The following RSBN1 variants were observed in gnomAD, a reference collection of about 807,000 sequenced individuals.
RSBN1 encodes round spermatid basic protein 1, also known as lysine-specific demethylase 9.
In RSBN1, 23 loss-of-function variants were observed where a neutral mutation model predicts 74.8. That is an observed-to-expected ratio of 0.31 (90% CI 0.22 to 0.44). RSBN1 has a LOEUF of 0.44. Ranked by LOEUF, RSBN1 falls within the 20% of genes least tolerant of loss-of-function variation. RSBN1 has a pLI of 1.00. For missense variants in RSBN1, 808 were observed against 1,020.9 expected, an observed-to-expected ratio of 0.79 and a Z score of 2.84; for synonymous variants, 407 against 379.6, an observed-to-expected ratio of 1.07 and a Z score of -0.84.
In RSBN1 at chr1:113,800,227, G is replaced by T. The variant is rs538926470; in HGVS notation, c.704-2191C>A. On this transcript the variant is annotated intron_variant, in intron 1 of 6. Transcript: ENST00000261441. ...ACAATAAAATGAAAACCGTTTATTT[G>T]CAAATATCACTTGTAATTAAACTGT... Among the ~76,000 whole-genome samples the T allele has an allele frequency of 1.3e-4, 20 of 152,200 alleles. 1 individual carries two copies. The South Asian group carries it at 4.1e-3, about 32-fold the overall frequency.
At chr1:113,767,494 C>A (rs762930842) in intron 5 of RSBN1, among the ~76,000 whole-genome samples, 2 of 152,136 alleles carry the variant, frequency 1.3e-5, no homozygotes, top group Admixed American at 6.5e-5. Flanking sequence ...ATCTCCATGT[C>A]CTGAGCTTTG....
chr1:113,784,559 G>C (rs1660199925), intron 2 of RSBN1, among the ~76,000 whole-genome samples: 1 of 152,162 alleles, frequency 6.6e-6, no homozygotes, highest in Non-Finnish European at 1.5e-5. Flanking sequence ...TCAGGCATTA[G>C]TCATATTCTC....
intron 2 of RSBN1, among the ~76,000 whole-genome samples, chr1:113,783,485 TAAAAC>T (rs1356123652): frequency 2.0e-5 from 3 of 150,770 alleles, no homozygotes; most frequent in African/African-American, 7.3e-5. Context: ...AAAAAATAGA[TAAAAC>T]AAAAAAACAT....
intron 1 of RSBN1, among the ~76,000 whole-genome samples, chr1:113,804,325 T>A (rs1165973350): frequency 6.6e-6 from 1 of 152,126 alleles, no homozygotes; most frequent in Admixed American, 6.5e-5. Context: ...GGACCATATA[T>A]GTTATTTTAT....
At chr1:113,780,011 C>T (rs1320781089) in intron 2 of RSBN1, among the ~76,000 whole-genome samples, 1 of 151,620 alleles carries the variant, frequency 6.6e-6, no homozygotes, top group South Asian at 2.1e-4. Flanking sequence ...CAGGGCAAGA[C>T]TCCGTCTCAA....
intron 2 of RSBN1, among the ~76,000 whole-genome samples, chr1:113,794,902 C>A (rs566162842): frequency 6.6e-6 from 1 of 152,104 alleles, no homozygotes; most frequent in African/African-American, 2.4e-5. Flanking sequence ...AATATAGTCA[C>A]GAATAATTAT....
chr1:113,807,773 TTA>T (rs550872269), intron 1 of RSBN1, among the ~76,000 whole-genome samples: 49 of 133,848 alleles, frequency 3.7e-4, no homozygotes, highest in East Asian at 6.3e-4. Flanking sequence ...AAAAAAAAAA[TTA>T]TATATATATA....
intron 6 of RSBN1, 47 bp downstream of exon 6, chr1:113,767,052 A>C: frequency 1.9e-6 from 2 of 1,069,180 alleles, no homozygotes; most frequent in Non-Finnish European, 2.8e-6. Flanking sequence ...ATGGGTATAG[A>C]TATTTACTTC....
rs1476393408 is a variant in RSBN1, at chr1:113,777,058, T to C, written c.1658+152A>G. 6 of 630,504 alleles carry C rather than the reference T, an allele frequency of 9.5e-6. No homozygotes were observed. In the African/African-American group the frequency reaches 1.1e-4, roughly 12 times the overall value. 39.1% of individuals were successfully genotyped at this position (630,504 alleles called of 1,614,324 possible). Reference sequence around the variant, plus strand: ...GTTTTAGAAAAATGCCTCACTGTGATAACTGTGATGATTGGACTGAAAAGA... The same window carrying C: ...GTTTTAGAAAAATGCCTCACTGTGACAACTGTGATGATTGGACTGAAAAGA... On this transcript the variant is annotated intron_variant, in intron 4 of 6. Transcript: ENST00000261441.
At chr1:113,799,450 A>C (rs549904410) in intron 1 of RSBN1, among the ~76,000 whole-genome samples, 32 of 152,236 alleles carry the variant, frequency 2.1e-4, no homozygotes, top group African/African-American at 7.5e-4. Flanking sequence ...TAACATTAAG[A>C]GTGATTCCTA....
At chr1:113,773,728 C>T (rs1465513391) in intron 4 of RSBN1, among the ~76,000 whole-genome samples, 4 of 151,056 alleles carry the variant, frequency 2.6e-5, no homozygotes, top group African/African-American at 4.9e-5. Context: ...CGCATGGCCA[C>T]GTGCAGTGGC....
At chr1:113,776,284 C>CA (rs1660023472) in intron 4 of RSBN1, among the ~76,000 whole-genome samples, 1 of 152,126 alleles carries the variant, frequency 6.6e-6, no homozygotes, top group East Asian at 1.9e-4. Flanking sequence ...AAAATAAAAA[C>CA]ATGTAAACAA....
intron 1 of RSBN1, among the ~76,000 whole-genome samples, chr1:113,805,138 C>T (rs1357489894): frequency 3.3e-5 from 5 of 150,264 alleles, no homozygotes; most frequent in Non-Finnish European, 7.4e-5. Flanking sequence ...TTTTTTGAAA[C>T]GGAGTCTGAC....
chr1:113,768,175 T>A, intron 5 of RSBN1, 47 bp downstream of exon 5: 1 of 1,517,660 alleles, frequency 6.6e-7, no homozygotes, highest in Non-Finnish European at 8.9e-7. Flanking sequence ...GTCCACATTG[T>A]CTTATACAAT....
chr1:113,802,382 G>A (rs185841083), intron 1 of RSBN1, among the ~76,000 whole-genome samples: 2 of 151,252 alleles, frequency 1.3e-5, no homozygotes, highest in Admixed American at 1.3e-4. Flanking sequence ...CAAAACAAGT[G>A]TAATTGCTTA....
intron 2 of RSBN1, among the ~76,000 whole-genome samples, chr1:113,790,433 T>G (rs963347711): frequency 6.6e-6 from 1 of 152,166 alleles, no homozygotes; most frequent in African/African-American, 2.4e-5. Flanking sequence ...CAAATTAGCC[T>G]GACAAATTAG....
At chr1:113,766,987 T>A (rs557721684) in intron 6 of RSBN1, 112 bp downstream of exon 6, 13 of 550,700 alleles carry the variant, frequency 2.4e-5, no homozygotes, top group South Asian at 2.6e-5. Flanking sequence ...TTAACAGTAA[T>A]AAAATTAAAC....
Position 113,765,910 on chromosome 1 carries a change from G to C in RSBN1, c.*70C>G. The C allele has an allele frequency of 8.8e-7, 1 of 1,136,982 alleles. No homozygotes were observed. The highest frequency in any genetic ancestry group is 1.6e-5 in the South Asian group (1 of 64,238). 70.4% of individuals were successfully genotyped at this position (1,136,982 alleles called of 1,614,324 possible). ...ATTTCTCCAATAAAACTTAACTTAA[G>C]CCAGTTATAAAACTATAACTTCACA... On this transcript the variant is annotated 3_prime_UTR_variant, in exon 7 of 7. Transcript: ENST00000261441.
chr1:113,774,491 G>A (rs1273322094), intron 4 of RSBN1, among the ~76,000 whole-genome samples: 18 of 151,758 alleles, frequency 1.2e-4, no homozygotes, highest in Non-Finnish European at 1.5e-5. Context: ...TGGCTAACAC[G>A]TTGAAACCCC....
Sources: gnomAD v4.1 joint callset for allele counts (sites outside exome capture counted in the v4.1 genomes callset) on GRCh38, gnomAD v4.1.1 for gene constraint, MANE v1.5 for transcripts, NCBI Gene and HGNC (gene_info 2026-07-23, HGNC 2026-07-21) for gene names.